Variants in PRICKLE2 observed in about 807,000 individuals in gnomAD.
PRICKLE2 encodes the protein prickle-like protein 2.
In PRICKLE2, 21 loss-of-function variants were observed where a neutral mutation model predicts 81.4. The ratio of observed to expected loss-of-function variants is 0.26; its 90% CI spans 0.18 to 0.37. PRICKLE2 has a LOEUF of 0.37. Among genes scored for constraint, PRICKLE2 ranks in the 10% least tolerant of loss-of-function variants. The pLI is 1.00. For missense variants in PRICKLE2, 940 were observed against 1,109.0 expected, an observed-to-expected ratio of 0.85 and a Z score of 2.16; for synonymous variants, 456 against 421.5, an observed-to-expected ratio of 1.08 and a Z score of -1.00.
chr3:64,110,914 A>G (rs2076834681), intron 7 of PRICKLE2, among the ~76,000 whole-genome samples: 1 of 138,044 alleles, frequency 7.2e-6, no homozygotes, highest in Non-Finnish European at 1.5e-5. Context: ...GTAAGCCGAG[A>G]TCGTGCCACT....
At chr3:64,211,040 C>T (rs1407826278) in intron 1 of PRICKLE2, among the ~76,000 whole-genome samples, 2 of 152,172 alleles carry the variant, frequency 1.3e-5, no homozygotes, top group Non-Finnish European at 2.9e-5. Flanking sequence ...GGAGACAGTA[C>T]AGAACATTCC....
At chr3:64,193,631 T>C (rs2078390330) in intron 2 of PRICKLE2, among the ~76,000 whole-genome samples, 1 of 152,188 alleles carries the variant, frequency 6.6e-6, no homozygotes, top group Non-Finnish European at 1.5e-5. Flanking sequence ...CAGGCTGATA[T>C]GGTTTGGCTG....
At chr3:64,132,034 G>A (rs1007826503) in intron 7 of PRICKLE2, among the ~76,000 whole-genome samples, 1 of 152,196 alleles carries the variant, frequency 6.6e-6, no homozygotes, top group Middle Eastern at 3.2e-3. Flanking sequence ...AACTGGACAA[G>A]TTCTCTCTTG....
chr3:64,127,729 C>T lies in PRICKLE2; in HGVS notation c.1660+19101G>A, dbSNP rs188314147. Reference sequence around the variant, plus strand: ...CCTGAGGACCTGAGCCGTCAGCCCACGGTGCCCTCCAGCGTCATCTCCTGC... The same window carrying T: ...CCTGAGGACCTGAGCCGTCAGCCCATGGTGCCCTCCAGCGTCATCTCCTGC... On this transcript the variant is annotated intron_variant, in intron 7 of 7. Coordinates refer to ENST00000638394, the MANE Select transcript of PRICKLE2 (RefSeq NM_198859.4). 6.0e-3 allele frequency among the ~76,000 whole-genome samples: 916 copies of T among 151,862 alleles called. 9 individuals are homozygous for T. Among genetic ancestry groups the T allele is most frequent in the Non-Finnish European group, 6.9e-3 (471 of 67,974 alleles).
intron 2 of PRICKLE2, among the ~76,000 whole-genome samples, chr3:64,255,664 C>T (rs577342083): frequency 6.6e-6 from 1 of 152,270 alleles, no homozygotes; most frequent in East Asian, 1.9e-4. Context: ...TAACAGAGAA[C>T]TCTAGTTACT....
At chr3:64,119,976 T>C (rs2076999840) in intron 7 of PRICKLE2, among the ~76,000 whole-genome samples, 1 of 152,176 alleles carries the variant, frequency 6.6e-6, no homozygotes, top group African/African-American at 2.4e-5. Context: ...AATTACCACA[T>C]GTTCTCACTT....
chr3:64,246,100 G>T (rs530694628), intron 2 of PRICKLE2, among the ~76,000 whole-genome samples: 1 of 152,028 alleles, frequency 6.6e-6, no homozygotes, highest in East Asian at 1.9e-4. Context: ...AAATTAGTCC[G>T]GTGTAGTGGT....
chr3:64,148,901 C>T (rs1015319234), intron 6 of PRICKLE2, among the ~76,000 whole-genome samples: 2 of 152,176 alleles, frequency 1.3e-5, no homozygotes, highest in African/African-American at 2.4e-5. Context: ...CTGTGCTATT[C>T]CGTTAAAGCA....
At chr3:64,133,368 C>A (rs866156852) in intron 7 of PRICKLE2, among the ~76,000 whole-genome samples, 1 of 152,086 alleles carries the variant, frequency 6.6e-6, no homozygotes, top group African/African-American at 2.4e-5. Flanking sequence ...GGAAGAGGAG[C>A]CAGAGCTGGA....
intron 2 of PRICKLE2, among the ~76,000 whole-genome samples, chr3:64,263,338 G>T (rs979462393): frequency 1.3e-5 from 2 of 152,196 alleles, no homozygotes; most frequent in Non-Finnish European, 2.9e-5. Flanking sequence ...TGAAGCTCAT[G>T]AGGTTAAGTG....
chr3:64,158,977 T>C (rs116347541), intron 4 of PRICKLE2, among the ~76,000 whole-genome samples: 2,448 of 152,232 alleles, frequency 0.016, 63 homozygotes, highest in African/African-American at 0.054. Context: ...TAGATAGGAA[T>C]GTTCAAAAAG....
intron 7 of PRICKLE2, among the ~76,000 whole-genome samples, chr3:64,144,219 A>G (rs2077408024): frequency 6.6e-6 from 1 of 152,220 alleles, no homozygotes; most frequent in South Asian, 2.1e-4. Context: ...GCCTGGTGTG[A>G]TTAAGAGCAA....
At chr3:64,255,391 C>G (rs988307494) in intron 2 of PRICKLE2, among the ~76,000 whole-genome samples, 1 of 152,198 alleles carries the variant, frequency 6.6e-6, no homozygotes, top group African/African-American at 2.4e-5. Context: ...CAGGGCCCTC[C>G]ACTAAAGGGG....
intron 2 of PRICKLE2, among the ~76,000 whole-genome samples, chr3:64,255,502 T>C (rs1441744966): frequency 4.6e-5 from 7 of 152,166 alleles, no homozygotes; most frequent in Non-Finnish European, 1.0e-4. Context: ...AGGATGCATA[T>C]GGACCTCCTC....
intron 2 of PRICKLE2, among the ~76,000 whole-genome samples, chr3:64,249,896 A>C (rs1191159385): frequency 6.6e-6 from 1 of 152,216 alleles, no homozygotes; most frequent in African/African-American, 2.4e-5. Flanking sequence ...GTAGCATATC[A>C]ATATTGCTTT....
At chr3:64,262,445 T>C (rs1176054139) in intron 2 of PRICKLE2, among the ~76,000 whole-genome samples, 2 of 152,038 alleles carry the variant, frequency 1.3e-5, no homozygotes, top group Non-Finnish European at 2.9e-5. Flanking sequence ...CTAATGAAGA[T>C]GCTGAGAAGA....
chr3:64,185,794 A>G (rs558038741), intron 2 of PRICKLE2, among the ~76,000 whole-genome samples: 8 of 152,258 alleles, frequency 5.3e-5, no homozygotes, highest in Non-Finnish European at 1.0e-4. Context: ...CGAGGTATCA[A>G]CATATAATAA....
intron 2 of PRICKLE2, among the ~76,000 whole-genome samples, chr3:64,176,952 C>A (rs1222622997): frequency 6.6e-6 from 1 of 151,968 alleles, no homozygotes; most frequent in Non-Finnish European, 1.5e-5. Flanking sequence ...CCCTAAAGGG[C>A]CTATATTATG....
chr3:64,234,200 G>T (rs2079147908), intron 2 of PRICKLE2, among the ~76,000 whole-genome samples: 2 of 151,852 alleles, frequency 1.3e-5, no homozygotes, highest in Admixed American at 6.6e-5. Context: ...GGGATTGCTG[G>T]GTCGTATAAC....
Sources: gnomAD v4.1 joint callset for allele counts (sites outside exome capture counted in the v4.1 genomes callset) on GRCh38, gnomAD v4.1.1 for gene constraint, MANE v1.5 for transcripts, NCBI Gene and HGNC (gene_info 2026-07-23, HGNC 2026-07-21) for gene names.